Variants in WNT7A observed in about 807,000 individuals in gnomAD.
WNT7A encodes Wnt family member 7A.
In WNT7A, 16 loss-of-function variants were observed where a neutral mutation model predicts 28.2. The observed-to-expected ratio is 0.57, with a 90% CI of 0.38 to 0.86. WNT7A has a LOEUF of 0.86. Among genes scored for constraint, WNT7A ranks in the 40% least tolerant of loss-of-function variants. The pLI, the probability that WNT7A is intolerant of heterozygous loss-of-function variation, is 0.00. For synonymous variants in WNT7A, 190 were observed against 195.9 expected (o/e 0.97, Z 0.25); for missense variants, 411 against 489.7 (o/e 0.84, Z 1.52).
intron 3 of WNT7A, among the ~76,000 whole-genome samples, chr3:13,846,191 C>T (rs1694534961): frequency 6.6e-6 from 1 of 152,384 alleles, no homozygotes; most frequent in South Asian, 2.1e-4. Context: ...GCCTGGATAA[C>T]CCACAACCCA....
chr3:13,866,206 T>C (rs1227321377), intron 2 of WNT7A, among the ~76,000 whole-genome samples: 1 of 152,260 alleles, frequency 6.6e-6, no homozygotes, highest in Admixed American at 6.5e-5. Flanking sequence ...GTGCCCTCCA[T>C]GTGCCAGGCA....
chr3:13,865,728 G>A (rs1694900899), intron 2 of WNT7A, among the ~76,000 whole-genome samples: 1 of 152,178 alleles, frequency 6.6e-6, no homozygotes, highest in African/African-American at 2.4e-5. Flanking sequence ...AGGTAGAAAG[G>A]AGCTGGCCTG....
chr3:13,840,940 A>G (rs1244574316), intron 3 of WNT7A, among the ~76,000 whole-genome samples: 1 of 152,172 alleles, frequency 6.6e-6, no homozygotes, highest in African/African-American at 2.4e-5. Flanking sequence ...CTCCTCTACC[A>G]AATCCAGTTC....
chr3:13,858,319 G>A (rs1694779942), intron 2 of WNT7A, among the ~76,000 whole-genome samples: 1 of 152,222 alleles, frequency 6.6e-6, no homozygotes. Context: ...CCTCTCCCTT[G>A]GTTTCTCCCT....
At chr3:13,860,503 A>G (rs9849631) in intron 2 of WNT7A, among the ~76,000 whole-genome samples, 20,651 of 152,254 alleles carry the variant, frequency 0.14, 2,070 homozygotes, top group African/African-American at 0.28. Flanking sequence ...CTGAGCTGAG[A>G]ACAGGGTTTG....
chr3:13,821,777 C>A (rs373316630), intron 3 of WNT7A, among the ~76,000 whole-genome samples: 1 of 152,098 alleles, frequency 6.6e-6, no homozygotes, highest in Non-Finnish European at 1.5e-5. Flanking sequence ...ATTCCCAGGG[C>A]GGGGAGGGGC....
chr3:13,829,697 C>T (rs926276930), intron 3 of WNT7A, among the ~76,000 whole-genome samples: 8 of 152,016 alleles, frequency 5.3e-5, no homozygotes, highest in Non-Finnish European at 8.8e-5. Context: ...AGAGAAAAGA[C>T]GGGGACAGAG....
At chr3:13,867,103 G>A (rs1483870873) in intron 2 of WNT7A, among the ~76,000 whole-genome samples, 1 of 152,132 alleles carries the variant, frequency 6.6e-6, no homozygotes, top group African/African-American at 2.4e-5. Flanking sequence ...AGCGGGCAGG[G>A]GATGTCATCC....
intron 2 of WNT7A, among the ~76,000 whole-genome samples, chr3:13,872,011 C>A (rs1695033694): frequency 6.6e-6 from 1 of 152,114 alleles, no homozygotes. Flanking sequence ...CGTTCCACCT[C>A]AGGGCCTTTG....
chr3:13,818,096 C>A lies in WNT7A; in HGVS notation c.*848G>T, dbSNP rs926615176. 2 of 152,136 alleles carry A rather than the reference C, an allele frequency of 1.3e-5. No homozygotes were observed. The highest frequency in any genetic ancestry group is 2.9e-5 in the Non-Finnish European group (2 of 68,024). The allele number at this position is 152,136 out of a possible 1,614,324, so 9.4% of individuals were successfully genotyped here. A position where few individuals can be genotyped will look rare whatever the true frequency, so the allele number is the denominator to read the frequency against. ...AAGAAGCACAGGCCGTGGAATGATA[C>A]AGTAGACTCGATATAAATAAAATAT... On this transcript the variant is annotated 3_prime_UTR_variant, in exon 4 of 4. Transcript: ENST00000285018.
At chr3:13,867,960 C>T (rs1039512143) in intron 2 of WNT7A, among the ~76,000 whole-genome samples, 11 of 152,296 alleles carry the variant, frequency 7.2e-5, no homozygotes, top group Non-Finnish European at 1.3e-4. Context: ...GCTGTGCTTC[C>T]AGCGGGGGAG....
At chr3:13,878,602 C>A (rs7619928) in intron 1 of WNT7A, among the ~76,000 whole-genome samples, 1,855 of 152,282 alleles carry the variant, frequency 0.012, 51 homozygotes, top group African/African-American at 0.043. Flanking sequence ...AATCCCCGCT[C>A]CAGAGACGTG....
At chr3:13,868,743 A>AG (rs1694965144) in intron 2 of WNT7A, among the ~76,000 whole-genome samples, 1 of 147,786 alleles carries the variant, frequency 6.8e-6, no homozygotes, top group Admixed American at 6.7e-5. Context: ...AAAGAAGAGA[A>AG]AGAAAGAAAG....
chr3:13,870,851 G>C (rs1695016617), intron 2 of WNT7A, among the ~76,000 whole-genome samples: 1 of 152,220 alleles, frequency 6.6e-6, no homozygotes, highest in African/African-American at 2.4e-5. Context: ...ACCATGCCCT[G>C]GCTCTCCAGT....
intron 3 of WNT7A, among the ~76,000 whole-genome samples, chr3:13,835,326 GC>G (rs1694349514): frequency 6.6e-6 from 1 of 152,228 alleles, no homozygotes; most frequent in African/African-American, 2.4e-5. Context: ...CAGGGTGGGG[GC>G]TCAGTCAGGT....
chr3:13,853,855 C>T (rs888066322), intron 3 of WNT7A, among the ~76,000 whole-genome samples: 5 of 152,194 alleles, frequency 3.3e-5, no homozygotes, highest in East Asian at 1.9e-4. Context: ...GCCACGTGTC[C>T]TCCTCCTGTC....
In WNT7A at chr3:13,818,489, T is replaced by C. The variant is rs1694052569; in HGVS notation, c.*455A>G. 1.3e-5 allele frequency: 2 copies of C among 152,286 alleles called. No homozygotes were observed. Among genetic ancestry groups the C allele is most frequent in the African/African-American group, 4.8e-5 (2 of 41,392 alleles). 9.4% of individuals were successfully genotyped at this position (152,286 alleles called of 1,614,324 possible). On this transcript the variant is annotated 3_prime_UTR_variant, in exon 4 of 4. Coordinates refer to ENST00000285018, the MANE Select transcript of WNT7A (RefSeq NM_004625.4). ...GAAATATCTGCATAAAGAATAGTTATGTACACTTCTACACGGCTCCTTGTC... is the reference window on the plus strand; with the variant it reads ...GAAATATCTGCATAAAGAATAGTTACGTACACTTCTACACGGCTCCTTGTC...
intron 3 of WNT7A, among the ~76,000 whole-genome samples, chr3:13,820,570 T>G (rs1472103007): frequency 1.3e-5 from 2 of 152,160 alleles, no homozygotes; most frequent in African/African-American, 4.8e-5. Context: ...CTCTAACATA[T>G]AGTGAAGACA....
Position 13,875,102 on chromosome 3 carries a change from T to A in WNT7A, c.143A>T (p.Gln48Leu). ...GGGCCGGCTCTGGCAGATCGCCCGC[T>A]GTCTGGGAGCCAGGCCTGGGATCTT... ...CNKIPGLAPR[Q>L]RAICQSRPDA... Residue 48 changes from glutamine (Q) to leucine (L), a missense_variant, in exon 2 of 4, where the codon CAG becomes CTG. Physicochemically the swap from Gln to Leu is moderately radical, Grantham distance 113. Coordinates refer to ENST00000285018, the MANE Select transcript of WNT7A (RefSeq NM_004625.4). The A allele has an allele frequency of 6.2e-7, 1 of 1,614,230 alleles. No homozygotes were observed. Among genetic ancestry groups the A allele is most frequent in the Non-Finnish European group, 8.5e-7 (1 of 1,180,042 alleles).
Sources: allele counts gnomAD v4.1 joint callset (sites outside exome capture counted in the v4.1 genomes callset), GRCh38; gene constraint gnomAD v4.1.1; transcripts MANE v1.5; gene names NCBI Gene and HGNC (gene_info 2026-07-23, HGNC 2026-07-21).